The following PRR16 variants were observed in gnomAD, a reference collection of about 807,000 sequenced individuals.
PRR16 encodes proline rich 16, also known as protein Largen.
A neutral mutation model predicts 18.2 loss-of-function variants in PRR16; 6 were observed. The observed-to-expected ratio is 0.33, with a 90% confidence interval of 0.18 to 0.65. The LOEUF (loss-of-function observed/expected upper bound fraction) is 0.65, where lower values mean the gene tolerates loss of function less well. Ranked by LOEUF, PRR16 falls within the 30% of genes least tolerant of loss-of-function variation. The probability of loss-of-function intolerance (pLI) is 0.74; values close to 1 mark genes in which losing one functional copy is unlikely to be tolerated. For missense variants in PRR16, 412 were observed against 376.6 expected (o/e 1.09, Z -0.78); for synonymous variants, 151 against 147.8 (o/e 1.02, Z -0.16).
intron 1 of PRR16, among the ~76,000 whole-genome samples, chr5:120,538,902 A>AT (rs1258651589): frequency 1.6e-4 from 25 of 152,294 alleles, no homozygotes; most frequent in Middle Eastern, 3.4e-3. Flanking sequence ...CTGACTAGCA[A>AT]TTGCATCGTG....
At chr5:120,464,975 G>A (rs1167731076) in intron 1 of PRR16, among the ~76,000 whole-genome samples, 1 of 152,130 alleles carries the variant, frequency 6.6e-6, no homozygotes. Flanking sequence ...AGGAAGTCGT[G>A]AGCAGCCCGG....
At chr5:120,602,441 T>C (rs532686567) in intron 1 of PRR16, among the ~76,000 whole-genome samples, 1 of 152,282 alleles carries the variant, frequency 6.6e-6, no homozygotes, top group African/African-American at 2.4e-5. Flanking sequence ...CTGAAGTTGT[T>C]TATCAGTTCC....
At chr5:120,740,510 T>TGGGCAA in the PRR16 span, among the ~76,000 whole-genome samples, 1 of 152,170 alleles carries the variant, frequency 6.6e-6, no homozygotes, top group African/African-American at 2.4e-5. Context: ...GTACTGTCAC[T>TGGGCAA]TTTGTCATAA....
chr5:120,707,252 G>C, the PRR16 span, among the ~76,000 whole-genome samples: 1 of 152,124 alleles, frequency 6.6e-6, no homozygotes, highest in African/African-American at 2.4e-5. Flanking sequence ...TGTTACTTTT[G>C]CTTGCTCTAG....
intron 1 of PRR16, among the ~76,000 whole-genome samples, 180 bp downstream of exon 1, chr5:120,464,825 AT>A (rs200451646): frequency 2.8e-4 from 42 of 148,610 alleles, no homozygotes; most frequent in African/African-American, 7.1e-4. Flanking sequence ...GCACTTTTTA[AT>A]TTTTTTTTTT....
At chr5:120,642,423 A>AG (rs1755452906) in intron 1 of PRR16, among the ~76,000 whole-genome samples, 1 of 152,010 alleles carries the variant, frequency 6.6e-6, no homozygotes, top group African/African-American at 2.4e-5. Flanking sequence ...TTTTCATGAT[A>AG]ACCTCCCTGG....
intron 1 of PRR16, among the ~76,000 whole-genome samples, chr5:120,508,072 T>C (rs1420434477): frequency 1.3e-5 from 2 of 152,102 alleles, no homozygotes; most frequent in Admixed American, 6.6e-5. Flanking sequence ...TGGTGGTGCC[T>C]AAGTATGTCA....
At chr5:120,610,715 T>G (rs535603820) in intron 1 of PRR16, among the ~76,000 whole-genome samples, 144 of 152,318 alleles carry the variant, frequency 9.5e-4, no homozygotes, top group African/African-American at 3.4e-3. Context: ...TGTGGAACTA[T>G]AAGTCCAATT....
Position 120,686,776 on chromosome 5 carries a change from C to T in PRR16, c.*67C>T. ...ATAAACATAAAATAAGTAATGAGCA[C>T]TTTCTACTCAAGCAATAAAAAGCCC... is the stretch of plus-strand genomic sequence containing the variant. On this transcript the variant is annotated 3_prime_UTR_variant, in exon 2 of 2. Coordinates refer to ENST00000407149, the MANE Select transcript of PRR16 (RefSeq NM_001300783.2). 8.0e-7 allele frequency: 1 copy of T among 1,248,674 alleles called. No homozygotes were observed. The highest frequency in any genetic ancestry group is 2.7e-5 in the East Asian group (1 of 37,398). 77.3% of individuals were successfully genotyped at this position (1,248,674 alleles called of 1,614,324 possible).
chr5:120,727,703 A>G, the PRR16 span, among the ~76,000 whole-genome samples: 3 of 152,150 alleles, frequency 2.0e-5, no homozygotes, highest in South Asian at 6.2e-4. Flanking sequence ...TACAATTAAG[A>G]CTGTAGATAT....
chr5:120,540,121 G>T (rs972937234), intron 1 of PRR16, among the ~76,000 whole-genome samples: 2 of 152,244 alleles, frequency 1.3e-5, no homozygotes, highest in Admixed American at 1.3e-4. Flanking sequence ...AGAAAAGACA[G>T]CAGTAACAGT....
intron 1 of PRR16, among the ~76,000 whole-genome samples, chr5:120,597,760 A>G (rs1477155991): frequency 1.3e-5 from 2 of 151,808 alleles, no homozygotes; most frequent in Admixed American, 1.3e-4. Flanking sequence ...AGGCTCAGTT[A>G]TCTTTCTACT....
At chr5:120,784,717 CTTT>C in the PRR16 span, among the ~76,000 whole-genome samples, 2 of 152,160 alleles carry the variant, frequency 1.3e-5, no homozygotes, top group Non-Finnish European at 2.9e-5. Context: ...CTCTTTGAAA[CTTT>C]TTTCCCAGGT....
At chr5:120,776,852 G>A in the PRR16 span, among the ~76,000 whole-genome samples, 1 of 151,846 alleles carries the variant, frequency 6.6e-6, no homozygotes, top group Non-Finnish European at 1.5e-5. Flanking sequence ...TTTTTATTCT[G>A]ACCGTAATTC....
chr5:120,711,584 A>T, the PRR16 span, among the ~76,000 whole-genome samples: 6 of 152,216 alleles, frequency 3.9e-5, no homozygotes, highest in Admixed American at 6.5e-5. Flanking sequence ...TTACTCATAA[A>T]ACTTAGATAT....
At chr5:120,527,728 G>A (rs300960) in intron 1 of PRR16, among the ~76,000 whole-genome samples, 152,332 of 152,334 alleles carry the variant, frequency 1, 76,165 homozygotes, top group Middle Eastern at 1. Context: ...TTCTGCAAAG[G>A]GGCTAGACAG....
At chr5:120,660,352 C>T (rs1016637110) in intron 1 of PRR16, among the ~76,000 whole-genome samples, 2 of 152,004 alleles carry the variant, frequency 1.3e-5, no homozygotes, top group Admixed American at 1.3e-4. Flanking sequence ...TTAAAGGAAG[C>T]ATGCCACAGT....
At chr5:120,664,371 G>A (rs1241382387) in intron 1 of PRR16, among the ~76,000 whole-genome samples, 8 of 151,786 alleles carry the variant, frequency 5.3e-5, no homozygotes, top group South Asian at 2.1e-4. Flanking sequence ...GAAGGTACTC[G>A]TGCTGCAACC....
At chr5:120,573,739 T>C (rs1026069183) in intron 1 of PRR16, among the ~76,000 whole-genome samples, 1 of 152,192 alleles carries the variant, frequency 6.6e-6, no homozygotes, top group Non-Finnish European at 1.5e-5. Flanking sequence ...ACTCAAAATG[T>C]CTGCAGCCAT....
Sources: allele counts gnomAD v4.1 joint callset (sites outside exome capture counted in the v4.1 genomes callset), GRCh38; gene constraint gnomAD v4.1.1; transcripts MANE v1.5; gene names NCBI Gene and HGNC (gene_info 2026-07-23, HGNC 2026-07-21).